LRRN2: variants seen among roughly 807,000 people sequenced by gnomAD.
The protein encoded by LRRN2 is leucine-rich repeat neuronal protein 2.
A neutral mutation model predicts 35.7 loss-of-function variants in LRRN2; 10 were observed. That is an observed-to-expected ratio of 0.28 (90% CI 0.17 to 0.47). The LOEUF is 0.47. Ranked by LOEUF, LRRN2 falls within the 20% of genes least tolerant of loss-of-function variation. The pLI is 0.99. For synonymous variants in LRRN2, 391 were observed against 409.6 expected (o/e 0.95, Z 0.55); for missense variants, 731 against 940.3 (o/e 0.78, Z 2.91).
At chr1:204,642,287 C>T (rs1003295506) in intron 1 of LRRN2, among the ~76,000 whole-genome samples, 4 of 152,210 alleles carry the variant, frequency 2.6e-5, no homozygotes, top group East Asian at 1.9e-4. Flanking sequence ...GGGCAAACAG[C>T]GAATCTACTG....
rs1666459989 is a variant in LRRN2 at position 204,617,831 on chromosome 1, T to A, written c.*20A>T. ...AAAGTAGTCCTAGTGATTTCTCTAC[T>A]GCTGAGAACAGGCTGAGCTTCAAGA... On this transcript the variant is annotated 3_prime_UTR_variant, in exon 2 of 2. Transcript: ENST00000367177. The A allele has an allele frequency of 6.2e-7, 1 of 1,613,260 alleles. No individual in the cohort carries two copies. The highest frequency in any genetic ancestry group is 1.7e-5 in the Admixed American group (1 of 59,998).
At chr1:204,668,713 AAAC>A (rs1668640952) in intron 1 of LRRN2, among the ~76,000 whole-genome samples, 1 of 152,346 alleles carries the variant, frequency 6.6e-6, no homozygotes, top group African/African-American at 2.4e-5. Flanking sequence ...CTTCACTGTG[AAAC>A]AGGCGATCAT....
intron 1 of LRRN2, among the ~76,000 whole-genome samples, chr1:204,630,146 G>T (rs907485594): frequency 6.6e-6 from 1 of 152,186 alleles, no homozygotes; most frequent in Non-Finnish European, 1.5e-5. Flanking sequence ...CTGTCTCTCA[G>T]ACTGCAAGCT....
chr1:204,649,999 C>T (rs1188071434), intron 1 of LRRN2, among the ~76,000 whole-genome samples: 1 of 152,228 alleles, frequency 6.6e-6, no homozygotes, highest in Non-Finnish European at 1.5e-5. Context: ...ACCTATGAGC[C>T]TTGTAAACAG....
intron 1 of LRRN2, among the ~76,000 whole-genome samples, chr1:204,656,948 C>T (rs1363019732): frequency 6.6e-6 from 1 of 152,216 alleles, no homozygotes; most frequent in African/African-American, 2.4e-5. Flanking sequence ...AACTTGTTCT[C>T]TGCATCTTCC....
intron 1 of LRRN2, among the ~76,000 whole-genome samples, chr1:204,624,171 C>T (rs1318680895): frequency 6.6e-6 from 1 of 152,224 alleles, no homozygotes; most frequent in Admixed American, 6.5e-5. Context: ...CACCTGCCCC[C>T]TGCTGGGCCC....
chr1:204,631,916 CA>C (rs1667714868), intron 1 of LRRN2, among the ~76,000 whole-genome samples: 1 of 152,114 alleles, frequency 6.6e-6, no homozygotes, highest in African/African-American at 2.4e-5. Context: ...AGAGGCCAGC[CA>C]AAGGAGGCAT....
chr1:204,665,187 GA>G (rs202211435), intron 1 of LRRN2, among the ~76,000 whole-genome samples: 508 of 151,874 alleles, frequency 3.3e-3, no homozygotes, highest in Non-Finnish European at 4.9e-3. Context: ...GAAAAAAAAA[GA>G]AAAAAAATTT....
At chr1:204,623,278 T>C (rs1454833159) in intron 1 of LRRN2, among the ~76,000 whole-genome samples, 1 of 152,192 alleles carries the variant, frequency 6.6e-6, no homozygotes, top group African/African-American at 2.4e-5. Flanking sequence ...GAGTCCGTGC[T>C]CAACTGCACT....
At chr1:204,651,549 G>C (rs183734847) in intron 1 of LRRN2, among the ~76,000 whole-genome samples, 3 of 152,108 alleles carry the variant, frequency 2.0e-5, no homozygotes, top group African/African-American at 7.2e-5. Context: ...GAAGCAGAGT[G>C]GGGTGACCAA....
chr1:204,678,699 C>T (rs1460339002), intron 1 of LRRN2, among the ~76,000 whole-genome samples: 1 of 152,112 alleles, frequency 6.6e-6, no homozygotes, highest in African/African-American at 2.4e-5. Context: ...CCCCTCTGCC[C>T]AGCTTGCCCC....
At chr1:204,664,215 A>G (rs1243154780) in intron 1 of LRRN2, 1 of 152,346 alleles carries the variant, frequency 6.6e-6, no homozygotes, top group Non-Finnish European at 1.5e-5. Context: ...GCATTGCAGA[A>G]GAAAACACGG....
intron 1 of LRRN2, among the ~76,000 whole-genome samples, chr1:204,678,591 G>A (rs910892557): frequency 1.2e-4 from 18 of 151,976 alleles, no homozygotes; most frequent in African/African-American, 4.1e-4. Flanking sequence ...TTTATCTCCT[G>A]CAACTCTCTG....
intron 1 of LRRN2, among the ~76,000 whole-genome samples, chr1:204,654,693 T>G (rs1048255770): frequency 1.3e-5 from 2 of 152,232 alleles, no homozygotes; most frequent in Non-Finnish European, 2.9e-5. Flanking sequence ...TTTGTGCTCA[T>G]GCAGAAGTGG....
At chr1:204,621,825 GA>G (rs1210518037) in intron 1 of LRRN2, 1 of 167,134 alleles carries the variant, frequency 6.0e-6, no homozygotes, top group Non-Finnish European at 1.5e-5. Context: ...CTCCTGAGTG[GA>G]AGTCTGATTC....
chr1:204,619,117 C>T lies in LRRN2; in HGVS notation c.876G>A (p.Leu292=). ...ANMLHLKELG[L]NNMEELVSID... ...TGGAGACCAGCTCCTCCATGTTGTTCAGTCCCAGCTCCTTAAGGTGCAGCA... is the reference window on the plus strand; with the variant it reads ...TGGAGACCAGCTCCTCCATGTTGTTTAGTCCCAGCTCCTTAAGGTGCAGCA... The change falls in exon 2 of 2, where the codon CTG becomes CTA. Residue 292 remains leucine, a synonymous_variant. Transcript: ENST00000367177. 1 of 1,611,984 alleles carries T rather than the reference C, an allele frequency of 6.2e-7. No individual in the cohort carries two copies. The highest frequency in any genetic ancestry group is 8.5e-7 in the Non-Finnish European group (1 of 1,178,834).
At chr1:204,670,458 C>A (rs962374022) in intron 1 of LRRN2, among the ~76,000 whole-genome samples, 2 of 152,100 alleles carry the variant, frequency 1.3e-5, no homozygotes, top group African/African-American at 4.8e-5. Context: ...GTCAGCTAGG[C>A]AGGTGAATAT....
At position 204,618,471 on chromosome 1, in the gene LRRN2, T is replaced by C; in HGVS notation, c.1522A>G (p.Lys508Glu). 6.2e-7 allele frequency: 1 copy of C among 1,614,168 alleles called. No individual in the cohort carries two copies. The highest frequency in any genetic ancestry group is 8.5e-7 in the Non-Finnish European group (1 of 1,180,002). Residue 508 changes from lysine to glutamate, a missense_variant, in exon 2 of 2, where the codon AAG becomes GAG. Lys to Glu is a moderately conservative substitution (Grantham distance 56). This residue lies in a region of LRRN2 where 256 missense variants were observed against 392.4 expected (regional missense o/e 0.65). Transcript: ENST00000367177. ...CGGCCCACAACCACACTAACCGTCT[T>C]AGTGTCAGCCCCCACCAGGTTCTGG... ...VAQNLVGADT[K>E]TVSVVVGRAL...
At position 204,620,064 on chromosome 1, in the gene LRRN2, A is replaced by T; in HGVS notation, c.-72T>A. On this transcript the variant is annotated 5_prime_UTR_variant, in exon 2 of 2. Coordinates refer to ENST00000367177, the MANE Select transcript of LRRN2 (RefSeq NM_201630.2). ...CCTGCTCTTTGTGTTTTGCAGGGTA[A>T]GGGTCAGCAACCCTGCCAGGGCCCA... is the stretch of plus-strand genomic sequence containing the variant. 6.6e-7 allele frequency: 1 copy of T among 1,524,234 alleles called. No homozygotes were observed. The highest frequency in any genetic ancestry group is 8.8e-7 in the Non-Finnish European group (1 of 1,133,532). 94.4% of individuals were successfully genotyped at this position (1,524,234 alleles called of 1,614,324 possible). A position where few individuals can be genotyped will look rare whatever the true frequency, so the allele number is the denominator to read the frequency against.
Sources: gnomAD v4.1 joint callset for allele counts (sites outside exome capture counted in the v4.1 genomes callset) on GRCh38, gnomAD v4.1.1 for gene constraint, gnomAD v4.1.1 regional missense constraint, MANE v1.5 for transcripts, NCBI Gene and HGNC (gene_info 2026-07-23, HGNC 2026-07-21) for gene names.